Variants in MDGA2 observed in about 807,000 individuals in gnomAD.
MDGA2 encodes the protein MAM domain-containing glycosylphosphatidylinositol anchor protein 2.
A neutral mutation model predicts 117.8 loss-of-function variants in MDGA2; 40 were observed. The observed-to-expected ratio is 0.34, with a 90% confidence interval of 0.26 to 0.44. The LOEUF (loss-of-function observed/expected upper bound fraction) is 0.44. Among genes scored for constraint, MDGA2 ranks in the 20% least tolerant of loss-of-function variants. The pLI is 1.00. For missense variants in MDGA2, 1,123 were observed against 1,250.6 expected, an observed-to-expected ratio of 0.90 and a Z score of 1.54; for synonymous variants, 452 against 439.0, an observed-to-expected ratio of 1.03 and a Z score of -0.37.
At chr14:47,494,512 T>C (rs1204385536) in intron 1 of MDGA2, among the ~76,000 whole-genome samples, 1 of 152,230 alleles carries the variant, frequency 6.6e-6, no homozygotes, top group Non-Finnish European at 1.5e-5. Context: ...TTATTTCTTT[T>C]GCTGTGCAGA....
chr14:47,566,749 C>T (rs1895926805), intron 1 of MDGA2, among the ~76,000 whole-genome samples: 1 of 151,870 alleles, frequency 6.6e-6, no homozygotes, highest in African/African-American at 2.4e-5. Context: ...TGCAGAGTTC[C>T]CAGCTTCCTC....
chr14:47,133,280 C>T (rs1271148206), intron 4 of MDGA2, among the ~76,000 whole-genome samples: 1 of 151,700 alleles, frequency 6.6e-6, no homozygotes, highest in Non-Finnish European at 1.5e-5. Context: ...TTACAGAATT[C>T]CCATACATGA....
chr14:47,107,780 C>G (rs200649635), intron 5 of MDGA2, among the ~76,000 whole-genome samples: 70,389 of 139,292 alleles, frequency 0.51, 17,040 homozygotes, highest in East Asian at 0.57. Flanking sequence ...TAGCCTTTCT[C>G]TCCAAACAAC....
chr14:46,925,540 G>A (rs2138527581), intron 9 of MDGA2, among the ~76,000 whole-genome samples: 1 of 151,282 alleles, frequency 6.6e-6, no homozygotes, highest in South Asian at 2.1e-4. Context: ...GCTGAGGCAG[G>A]GGAATCACTT....
At chr14:47,000,596 T>C (rs952119006) in intron 8 of MDGA2, among the ~76,000 whole-genome samples, 3 of 151,040 alleles carry the variant, frequency 2.0e-5, no homozygotes, top group Non-Finnish European at 3.0e-5. Context: ...AGAATGATTA[T>C]AAAGTTTTAG....
chr14:46,985,572 G>A (rs754159432), intron 8 of MDGA2, among the ~76,000 whole-genome samples: 4 of 151,940 alleles, frequency 2.6e-5, no homozygotes, highest in East Asian at 1.9e-4. Flanking sequence ...AAGATATTAC[G>A]TACTTAAAAA....
rs151301811 is a variant in MDGA2, at chr14:47,479,387, G to A, written c.281-177837C>T. 6.6e-3 allele frequency among the ~76,000 whole-genome samples: 992 copies of A among 150,570 alleles called. 15 individuals carry two copies. The highest frequency in any genetic ancestry group is 0.023 in the African/African-American group (952 of 40,964). On this transcript the variant is annotated intron_variant, in intron 1 of 16. Transcript: ENST00000399232. ...TAACCTTACTAAATCCTGATATAAAGTCAGAAATAATTTGAAATAGATAAC... is the reference window on the plus strand; with the variant it reads ...TAACCTTACTAAATCCTGATATAAAATCAGAAATAATTTGAAATAGATAAC...
chr14:46,970,952 A>G (rs1212562929), intron 8 of MDGA2, among the ~76,000 whole-genome samples: 1 of 152,092 alleles, frequency 6.6e-6, no homozygotes, highest in Non-Finnish European at 1.5e-5. Context: ...AACATCACTA[A>G]TCATTAGGAA....
At chr14:47,357,781 A>C (rs184228285) in intron 1 of MDGA2, among the ~76,000 whole-genome samples, 187 of 152,302 alleles carry the variant, frequency 1.2e-3, no homozygotes, top group Non-Finnish European at 2.1e-3. Context: ...TTGTATTACA[A>C]CAAAAATATC....
chr14:47,644,704 G>A (rs1429737037), intron 1 of MDGA2, among the ~76,000 whole-genome samples: 3 of 151,496 alleles, frequency 2.0e-5, no homozygotes, highest in Non-Finnish European at 4.4e-5. Flanking sequence ...AACTAGGAGA[G>A]GATTTTGAAT....
At chr14:47,510,842 G>A (rs1053825898) in intron 1 of MDGA2, among the ~76,000 whole-genome samples, 4 of 152,218 alleles carry the variant, frequency 2.6e-5, no homozygotes, top group South Asian at 4.1e-4. Flanking sequence ...CTGCCTGAGA[G>A]ACTTTGCAGT....
intron 10 of MDGA2, among the ~76,000 whole-genome samples, chr14:46,906,020 T>G (rs1257386072): frequency 6.6e-6 from 1 of 152,028 alleles, no homozygotes. Flanking sequence ...CAATGGCATG[T>G]TGTCATTATA....
intron 5 of MDGA2, among the ~76,000 whole-genome samples, chr14:47,103,280 G>A (rs1314915757): frequency 6.6e-6 from 1 of 152,172 alleles, no homozygotes; most frequent in Non-Finnish European, 1.5e-5. Context: ...TCACTGTGAT[G>A]AAGATATCAC....
intron 9 of MDGA2, among the ~76,000 whole-genome samples, chr14:46,923,088 T>A (rs1056909477): frequency 6.6e-6 from 1 of 152,206 alleles, no homozygotes; most frequent in Admixed American, 6.5e-5. Flanking sequence ...GAAAAACAGA[T>A]CCTCATGATC....
At chr14:47,072,102 G>T (rs1320613991) in intron 6 of MDGA2, among the ~76,000 whole-genome samples, 3 of 34,318 alleles carry the variant, frequency 8.7e-5, no homozygotes, top group Non-Finnish European at 1.9e-4. Context: ...GTTGTTGTTT[G>T]GGGGGGGGGG....
intron 1 of MDGA2, among the ~76,000 whole-genome samples, chr14:47,542,346 A>G (rs565972638): frequency 6.6e-6 from 1 of 152,314 alleles, no homozygotes; most frequent in East Asian, 1.9e-4. Flanking sequence ...TCTACTCACA[A>G]TATCTTCTGT....
At chr14:46,868,414 G>C (rs1479240817) in intron 14 of MDGA2, among the ~76,000 whole-genome samples, 2 of 151,858 alleles carry the variant, frequency 1.3e-5, no homozygotes, top group African/African-American at 4.8e-5. Context: ...CTCCCATCAA[G>C]CCTACAGTTC....
intron 9 of MDGA2, among the ~76,000 whole-genome samples, chr14:46,924,936 G>T (rs983014730): frequency 3.9e-5 from 6 of 152,126 alleles, no homozygotes; most frequent in Admixed American, 3.9e-4. Context: ...TTGGGAGATG[G>T]ATTTTCAGGC....
At chr14:47,320,994 G>A (rs764998508) in intron 1 of MDGA2, among the ~76,000 whole-genome samples, 24 of 152,150 alleles carry the variant, frequency 1.6e-4, no homozygotes, top group Non-Finnish European at 3.1e-4. Context: ...ATCGGCAGAG[G>A]AGTTTCAAGG....
Sources: allele counts gnomAD v4.1 joint callset (sites outside exome capture counted in the v4.1 genomes callset), GRCh38; gene constraint gnomAD v4.1.1; transcripts MANE v1.5; gene names NCBI Gene and HGNC (gene_info 2026-07-23, HGNC 2026-07-21).